The following UHRF2 variants were observed in gnomAD, a reference collection of about 807,000 sequenced individuals.
UHRF2 encodes ubiquitin like with PHD and ring finger domains 2, also known as E3 ubiquitin-protein ligase UHRF2.
UHRF2 carries 23 observed loss-of-function variants against 96.8 expected under a neutral mutation model. That is an observed-to-expected ratio of 0.24 (90% CI 0.17 to 0.34). UHRF2 has a LOEUF of 0.34. UHRF2 is among the 10% of genes least tolerant of loss of function. The pLI, the probability that UHRF2 is intolerant of heterozygous loss-of-function variation, is 1.00. For synonymous variants in UHRF2, 385 were observed against 332.6 expected, an observed-to-expected ratio of 1.16 and a Z score of -1.72; for missense variants, 685 against 981.5, an observed-to-expected ratio of 0.70 and a Z score of 4.04.
At chr9:6,479,818 A>G (rs112097077) in intron 6 of UHRF2, among the ~76,000 whole-genome samples, 30 of 152,198 alleles carry the variant, frequency 2.0e-4, no homozygotes, top group African/African-American at 6.0e-4. Flanking sequence ...CTCTACCTCA[A>G]TAGATTTTGA....
At chr9:6,463,271 A>T (rs1173442030) in intron 4 of UHRF2, among the ~76,000 whole-genome samples, 1 of 105,400 alleles carries the variant, frequency 9.5e-6, no homozygotes, top group Non-Finnish European at 1.9e-5. Context: ...ACAAGAGTGA[A>T]ACTTCGTCTC....
chr9:6,498,125 A>T lies in UHRF2; in HGVS notation c.1875A>T (p.Ile625=), dbSNP rs1160058101. The part of the protein sequence containing the change: ...VEPAPWTSEG[I]ERSRRLCLRL... ...CTGCTCCTTGGACCTCTGAAGGAATAGAACGGTCAAGGAGATTATGTCTAC... is the reference window on the plus strand; with the variant it reads ...CTGCTCCTTGGACCTCTGAAGGAATTGAACGGTCAAGGAGATTATGTCTAC... The change falls in exon 12 of 16, where the codon ATA becomes ATT. Residue 625 remains isoleucine (I), a synonymous_variant. Coordinates refer to ENST00000276893, the MANE Select transcript of UHRF2 (RefSeq NM_152896.3). 2 of 1,613,864 alleles carry T rather than the reference A, an allele frequency of 1.2e-6. No individual in the cohort carries two copies. The highest frequency in any genetic ancestry group is 2.7e-5 in the African/African-American group (2 of 74,928).
intron 4 of UHRF2, 41 bp from the exon 5 acceptor site, chr9:6,475,349 AT>A (rs773998150): frequency 2.3e-6 from 3 of 1,301,934 alleles, no homozygotes; most frequent in East Asian, 2.5e-5. Flanking sequence ...TATACCTTAG[AT>A]TTTGCTGGCA....
intron 1 of UHRF2, among the ~76,000 whole-genome samples, chr9:6,417,867 C>T (rs1320539257): frequency 6.6e-6 from 1 of 152,164 alleles, no homozygotes; most frequent in African/African-American, 2.4e-5. Flanking sequence ...TTAGTAGAAA[C>T]TAACCAGGAG....
chr9:6,432,491 A>G (rs1424705108), intron 2 of UHRF2, among the ~76,000 whole-genome samples: 1 of 152,206 alleles, frequency 6.6e-6, no homozygotes, highest in Non-Finnish European at 1.5e-5. Context: ...CTTCAAAGTC[A>G]AGATGTCTTC....
chr9:6,489,199 T>G (rs1047006996), intron 9 of UHRF2, among the ~76,000 whole-genome samples: 1 of 152,238 alleles, frequency 6.6e-6, no homozygotes, highest in South Asian at 2.1e-4. Flanking sequence ...ATTGGCTTTT[T>G]CCACTCAGCA....
At chr9:6,465,223 G>T (rs891058325) in intron 4 of UHRF2, among the ~76,000 whole-genome samples, 9 of 152,126 alleles carry the variant, frequency 5.9e-5, no homozygotes, top group Non-Finnish European at 1.0e-4. Context: ...TGCTCTCCTA[G>T]ATTTGGTTTG....
At chr9:6,485,288 T>C (rs1187224957) in intron 8 of UHRF2, among the ~76,000 whole-genome samples, 1 of 152,140 alleles carries the variant, frequency 6.6e-6, no homozygotes, top group Non-Finnish European at 1.5e-5. Context: ...AAAAATACAC[T>C]TTGTGTATTT....
intron 3 of UHRF2, among the ~76,000 whole-genome samples, chr9:6,442,028 C>T (rs1257916284): frequency 6.6e-6 from 1 of 152,110 alleles, no homozygotes; most frequent in East Asian, 1.9e-4. Context: ...TCCAGTGGCA[C>T]GATCTTGGCT....
chr9:6,478,210 C>G (rs1382605898), intron 6 of UHRF2, among the ~76,000 whole-genome samples: 1 of 152,198 alleles, frequency 6.6e-6, no homozygotes, highest in Non-Finnish European at 1.5e-5. Context: ...AAATATCTTT[C>G]AACTCCTTAA....
chr9:6,469,735 TGTATATATATACAC>T (rs1255384702), intron 4 of UHRF2, among the ~76,000 whole-genome samples: 1 of 126,696 alleles, frequency 7.9e-6, no homozygotes, highest in Non-Finnish European at 1.7e-5. Flanking sequence ...CATATATACG[TGTATATATATACAC>T]GTATATATAC....
chr9:6,413,564 T>C lies in UHRF2; in HGVS notation c.74T>C (p.Ile25Thr). The change falls in exon 1 of 16, where the codon ATT becomes ACT. Residue 25 changes from isoleucine to threonine, a missense_variant. This residue lies in a region of UHRF2 where 38 missense variants were observed against 35.9 expected (regional missense o/e 1.06). Transcript: ENST00000276893. ...TIEDVSRKAT[I>T]EELRERVWAL... ...GAGGACGTGTCTCGCAAAGCCACGA[T>C]TGAGGAGCTGCGCGAGCGGGTGTGG... 6.2e-7 allele frequency: 1 copy of C among 1,601,588 alleles called. No individual in the cohort carries two copies. Among genetic ancestry groups the C allele is most frequent in the Non-Finnish European group, 8.5e-7 (1 of 1,174,570 alleles).
intron 3 of UHRF2, among the ~76,000 whole-genome samples, chr9:6,454,737 G>C (rs566704100): frequency 6.6e-6 from 1 of 152,236 alleles, no homozygotes; most frequent in Admixed American, 6.5e-5. Context: ...CTCTTAGTTG[G>C]GTAACGGTTC....
In UHRF2 at chr9:6,420,518, C is replaced by T. The variant is rs369704050; in HGVS notation, c.154-394C>T. ...GAGATCAAGACCATCCTGGCAAACACGGTGAAACCCCGTCTCTACTAAAAA... is the reference window on the plus strand; with the variant it reads ...GAGATCAAGACCATCCTGGCAAACATGGTGAAACCCCGTCTCTACTAAAAA... On this transcript the variant is annotated intron_variant, in intron 1 of 15. Transcript: ENST00000276893. Among the ~76,000 whole-genome samples the T allele has an allele frequency of 6.0e-5, 9 of 151,254 alleles. No homozygotes were observed. In the South Asian group the frequency reaches 8.4e-4, roughly 14 times the overall value.
chr9:6,464,776 C>G (rs1045752301), intron 4 of UHRF2, among the ~76,000 whole-genome samples: 2 of 151,992 alleles, frequency 1.3e-5, no homozygotes, highest in African/African-American at 4.8e-5. Flanking sequence ...TTTTGTGTAT[C>G]TTTGTATCAG....
At chr9:6,415,527 G>C (rs560735794) in intron 1 of UHRF2, 45 of 152,286 alleles carry the variant, frequency 3.0e-4, no homozygotes, top group African/African-American at 1.0e-3. Context: ...GCCTGTAGCA[G>C]GTAACTACTG....
rs147715587 is a variant in UHRF2, at chr9:6,425,699, G to A, written c.384+4557G>A. On this transcript the variant is annotated intron_variant, in intron 2 of 15. Coordinates refer to ENST00000276893, the MANE Select transcript of UHRF2 (RefSeq NM_152896.3). ...TATCACTTGAACCCAGGAAGCAGAG[G>A]TTACGGGGAGCCGAGATCGCGCCAC... Among the ~76,000 whole-genome samples the A allele has an allele frequency of 9.2e-3, 1,394 of 152,232 alleles. 10 individuals are homozygous for A. The highest frequency in any genetic ancestry group is 0.015 in the Admixed American group (224 of 15,278).
chr9:6,418,663 T>A (rs1463302781), intron 1 of UHRF2, among the ~76,000 whole-genome samples: 1 of 152,216 alleles, frequency 6.6e-6, no homozygotes, highest in East Asian at 1.9e-4. Context: ...ATTTAAAAAT[T>A]GATTATGTTT....
At chr9:6,498,554 G>A (rs544792779) in intron 12 of UHRF2, 1 of 157,118 alleles carries the variant, frequency 6.4e-6, no homozygotes, top group African/African-American at 2.4e-5. Flanking sequence ...TATAAGAGTG[G>A]TCTGCCTTCT....
Sources: gnomAD v4.1 joint callset for allele counts (sites outside exome capture counted in the v4.1 genomes callset) on GRCh38, gnomAD v4.1.1 for gene constraint, gnomAD v4.1.1 regional missense constraint, MANE v1.5 for transcripts, NCBI Gene and HGNC (gene_info 2026-07-23, HGNC 2026-07-21) for gene names.